The following HCFC1 variants were observed in gnomAD, a reference collection of about 807,000 sequenced individuals.
HCFC1 encodes the protein host cell factor 1.
HCFC1 carries 7 observed loss-of-function variants against 105.5 expected under a neutral mutation model. The observed-to-expected ratio is 0.07, with a 90% confidence interval of 0.04 to 0.12. The LOEUF (loss-of-function observed/expected upper bound fraction) is 0.12. Ranked by LOEUF, HCFC1 falls within the 10% of genes least tolerant of loss-of-function variation. HCFC1 has a pLI of 1.00. For missense variants in HCFC1, 1,065 were observed against 1,823.6 expected (o/e 0.58, Z 7.58); for synonymous variants, 918 against 828.1 (o/e 1.11, Z -1.86).
chrX:153,949,095 A>T lies in HCFC1; in HGVS notation c.*252T>A. ...AAAGTCTCTCCCCAGGGTGGGCGGCAGCGGGGAGGAAAGGAAGCGCGCTCC... is the reference window on the plus strand; with the variant it reads ...AAAGTCTCTCCCCAGGGTGGGCGGCTGCGGGGAGGAAAGGAAGCGCGCTCC... On this transcript the variant is annotated 3_prime_UTR_variant, in exon 26 of 26. Transcript: ENST00000310441. 3.3e-6 allele frequency: 1 copy of T among 303,034 alleles called. No homozygotes were observed. The highest frequency in any genetic ancestry group is 5.8e-6 in the Non-Finnish European group (1 of 172,493). 25.0% of individuals were successfully genotyped at this position (303,034 alleles called of 1,213,427 possible). A position where few individuals can be genotyped will look rare whatever the true frequency, so the allele number is the denominator to read the frequency against.
intron 24 of HCFC1, 129 bp from the exon 25 acceptor site, chrX:153,949,745 G>A (rs782324632): frequency 2.1e-5 from 12 of 585,029 alleles, no homozygotes; most frequent in South Asian, 1.3e-4. Context: ...AGGGTGGGGC[G>A]CCTGCCCTAT....
rs1557113032 is a variant in HCFC1 at position 153,952,839 on chromosome X, C to T, written c.4617G>A (p.Gln1539=). ...CCACGGCGGCCGGGAGCTCAGGGGT[C>T]TGGGAGGCTGACAGGACCTCGGCGG... The part of the protein sequence containing the change: ...GESAEVLSAS[Q]TPELPAAVDL... Residue 1539 remains glutamine, a synonymous_variant, in exon 19 of 26, where the codon CAG becomes CAA. Coordinates refer to ENST00000310441, the MANE Select transcript of HCFC1 (RefSeq NM_005334.3). The T allele has an allele frequency of 3.4e-6, 4 of 1,192,191 alleles. No individual in the cohort carries two copies.
At chrX:153,962,694 G>A (rs1557117319) in intron 4 of HCFC1, among the ~76,000 whole-genome samples, 1 of 112,028 alleles carries the variant, frequency 8.9e-6, no homozygotes, top group East Asian at 2.8e-4. Flanking sequence ...TGCTTCTTTG[G>A]AGTGCCGACT....
Position 153,953,595 on chromosome X carries a change from CT to C in HCFC1, c.4497+11del, listed in dbSNP as rs1557113278. 1.7e-6 allele frequency: 2 copies of C among 1,204,188 alleles called. No homozygotes were observed. The highest frequency in any genetic ancestry group is 3.0e-5 in the East Asian group (1 of 33,718). On this transcript the variant is annotated intron_variant, in intron 18 of 25. Coordinates refer to ENST00000310441, the MANE Select transcript of HCFC1 (RefSeq NM_005334.3). ...GGAAGGCGGGGAAGAACACGGCCCC[CT>C]GGGCTCTTACCGGCACAGAGGGGCC...
At chrX:153,965,741 T>C (rs1435035770) in intron 1 of HCFC1, among the ~76,000 whole-genome samples, 3 of 112,899 alleles carry the variant, frequency 2.7e-5, no homozygotes, top group African/African-American at 6.4e-5. Flanking sequence ...GGGATTCCTG[T>C]GGGGTGGGAA....
At chrX:153,952,432 T>C (rs2065322462) in intron 19 of HCFC1, 82 bp downstream of exon 19, 1 of 1,004,920 alleles carries the variant, frequency 1.0e-6, no homozygotes, top group Admixed American at 3.2e-5. Context: ...TCGAGGGAAA[T>C]GGGCTCCTCT....
At chrX:153,964,551 C>A (rs782387877) in intron 2 of HCFC1, 27 bp downstream of exon 2, 6 of 1,178,036 alleles carry the variant, frequency 5.1e-6, no homozygotes, top group Non-Finnish European at 5.7e-6. Context: ...GCCAAGGAGG[C>A]AGAGTGAGAA....
chrX:153,967,656 G>T (rs149811933), intron 1 of HCFC1, among the ~76,000 whole-genome samples: 3 of 111,949 alleles, frequency 2.7e-5, no homozygotes, highest in Non-Finnish European at 5.6e-5. Context: ...TGACCAAGCC[G>T]GGCCCTTGGG....
chrX:153,953,687 T>C lies in HCFC1; in HGVS notation c.4417A>G (p.Thr1473Ala), dbSNP rs201714172. The C allele has an allele frequency of 3.8e-5, 46 of 1,208,745 alleles. 2 individuals carry two copies. The Admixed American group carries it at 7.0e-4, about 18-fold the overall frequency. ...GTCAGTGTGGAGGACACGGTTGTCG[T>C]GATGGCACTGGAGCTGGTGATGTTC... ...SVNITSSSAI[T>A]TTVSSTLTRA... Residue 1473 changes from threonine (T) to alanine (A), a missense_variant, in exon 18 of 26, where the codon ACG becomes GCG. Coordinates refer to ENST00000310441, the MANE Select transcript of HCFC1 (RefSeq NM_005334.3).
At position 153,959,977 on chromosome X, in the gene HCFC1, G is replaced by T. The variant is rs1048019134; in HGVS notation, c.1269C>A (p.Asn423Lys). 6.6e-6 allele frequency: 8 copies of T among 1,211,649 alleles called. No individual in the cohort carries two copies. The highest frequency in any genetic ancestry group is 7.8e-6 in the Non-Finnish European group (7 of 895,326). The part of the protein sequence containing the change: ...TPNPVPSVPA[N>K]PPKSPAPAAA... ...CTGCTGGGGCAGGGCTCTTGGGAGGGTTGGCAGGCACAGATGGGACCGGAT... is the reference window on the plus strand; with the variant it reads ...CTGCTGGGGCAGGGCTCTTGGGAGGTTTGGCAGGCACAGATGGGACCGGAT... The change falls in exon 8 of 26, where the codon AAC becomes AAA. Residue 423 changes from asparagine (N) to lysine (K), a missense_variant. Asn to Lys is a moderately conservative substitution (Grantham distance 94). This residue lies in a region of HCFC1 where 101 missense variants were observed against 155.1 expected (regional missense o/e 0.65). Coordinates refer to ENST00000310441, the MANE Select transcript of HCFC1 (RefSeq NM_005334.3).
chrX:153,956,561 T>C, intron 15 of HCFC1, 64 bp downstream of exon 15: 1 of 1,185,403 alleles, frequency 8.4e-7, no homozygotes, highest in Non-Finnish European at 1.1e-6. Context: ...CCATGGGGAT[T>C]GAAGGCCAGC....
In HCFC1 at chrX:153,957,892, A is replaced by T; in HGVS notation, c.2029-6T>A. ...ACTTTGCCCAGATTGGAAATCTAAAAAGGAAGGGATGGAGCAAGGAGTGAT... is the reference window on the plus strand; with the variant it reads ...ACTTTGCCCAGATTGGAAATCTAAATAGGAAGGGATGGAGCAAGGAGTGAT... On this transcript the variant is annotated splice_region_variant and splice_polypyrimidine_tract_variant and intron_variant, in intron 11 of 25. Transcript: ENST00000310441. 8.4e-7 allele frequency: 1 copy of T among 1,191,576 alleles called. No homozygotes were observed. Among genetic ancestry groups the T allele is most frequent in the Non-Finnish European group, 1.1e-6 (1 of 877,145 alleles).
In HCFC1 at chrX:153,960,115, G is replaced by C. The variant is rs781785762; in HGVS notation, c.1131C>G (p.Thr377=). The C allele has an allele frequency of 3.1e-5, 37 of 1,209,610 alleles. No homozygotes were observed. The South Asian group carries it at 6.5e-4, about 21-fold the overall frequency. ...CCCCCCAGCTCACCTCCAGGGAGTT[G>C]GTGTTGGCGCGTACCAGTTGTACTC... ...PARVQLVRAN[T]NSLEVSWGAV... Residue 377 remains threonine (T), a synonymous_variant, in exon 8 of 26, where the codon ACC becomes ACG. Transcript: ENST00000310441.
In HCFC1 at chrX:153,963,271, G is replaced by A. The variant is rs1016013435; in HGVS notation, c.666C>T (p.Gly222=). 4 of 1,210,823 alleles carry A rather than the reference G, an allele frequency of 3.3e-6. No homozygotes were observed. The highest frequency in any genetic ancestry group is 1.8e-5 in the South Asian group (1 of 56,958). ...DNKKSKLVIY[G]GMSGCRLGDL... ...CCCCCAGCCTGCAGCCACTCATCCC[G>A]CCGTAGATCACCAGCTTGGACTTCT... is the stretch of plus-strand genomic sequence containing the variant. Residue 222 remains glycine, a synonymous_variant, in exon 4 of 26, where the codon GGC becomes GGT. Coordinates refer to ENST00000310441, the MANE Select transcript of HCFC1 (RefSeq NM_005334.3).
intron 1 of HCFC1, 98 bp downstream of exon 1, chrX:153,970,550 A>AGATG (rs1557119797): frequency 2.0e-6 from 1 of 491,936 alleles, no homozygotes; most frequent in Non-Finnish European, 3.2e-6. Context: ...GGGAGGGAGG[A>AGATG]GAGGGAGGGA....
At chrX:153,956,058 AGGCCTGCCAT>A in intron 16 of HCFC1, 123 bp downstream of exon 16, 1 of 567,343 alleles carries the variant, frequency 1.8e-6, no homozygotes, top group Non-Finnish European at 2.8e-6. Flanking sequence ...AGGTGAGGAA[AGGCCTGCCAT>A]GGCTGCACCC....
chrX:153,958,418 G>A lies in HCFC1; in HGVS notation c.1803+151C>T. 3 of 667,284 alleles carry A rather than the reference G, an allele frequency of 4.5e-6. No individual in the cohort carries two copies. In the East Asian group the frequency reaches 9.7e-5, roughly 22 times the overall value. The allele number at this position is 667,284 out of a possible 1,213,427, so 55.0% of individuals were successfully genotyped here. On this transcript the variant is annotated intron_variant, in intron 10 of 25. Coordinates refer to ENST00000310441, the MANE Select transcript of HCFC1 (RefSeq NM_005334.3). ...CCCCCTTCCTTTAACAGGCAAGGGA[G>A]GAGGCTGAGCCTGCAGCTCTCACCT...
At chrX:153,964,366 G>T in intron 2 of HCFC1, 82 bp from the exon 3 acceptor site, 1 of 998,447 alleles carries the variant, frequency 1.0e-6, no homozygotes, top group Non-Finnish European at 1.4e-6. Flanking sequence ...GGTGGAGGAG[G>T]AAATGGCCGG....
At chrX:153,964,852 G>T in intron 1 of HCFC1, 126 bp from the exon 2 acceptor site, 1 of 662,445 alleles carries the variant, frequency 1.5e-6, no homozygotes, top group Non-Finnish European at 2.1e-6. Context: ...GGGCGCTCTA[G>T]CAACTCCAGC....
Sources: allele counts gnomAD v4.1 joint callset (sites outside exome capture counted in the v4.1 genomes callset), GRCh38; gene constraint gnomAD v4.1.1; regional missense constraint gnomAD v4.1.1; transcripts MANE v1.5; gene names NCBI Gene and HGNC (gene_info 2026-07-23, HGNC 2026-07-21).